Variants in CUX2 observed in about 807,000 individuals in gnomAD.
The protein encoded by CUX2 is cut like homeobox 2.
CUX2 carries 40 observed loss-of-function variants against 144.8 expected under a neutral mutation model. The observed-to-expected ratio is 0.28, with a 90% CI of 0.21 to 0.36. The LOEUF is 0.36. Ranked by LOEUF, CUX2 falls within the 10% of genes least tolerant of loss-of-function variation. CUX2 has a pLI of 1.00. For missense variants in CUX2, 1,615 were observed against 1,994.0 expected, an observed-to-expected ratio of 0.81 and a Z score of 3.62; for synonymous variants, 827 against 875.6, an observed-to-expected ratio of 0.94 and a Z score of 0.98.
At chr12:111,314,010 G>A (rs748278397) in intron 16 of CUX2, among the ~76,000 whole-genome samples, 18 of 152,142 alleles carry the variant, frequency 1.2e-4, no homozygotes, top group Non-Finnish European at 2.5e-4. Flanking sequence ...GAGCCGAGAT[G>A]TTTCCCAATC....
chr12:111,182,774 C>T (rs1056714536), intron 1 of CUX2, among the ~76,000 whole-genome samples: 8 of 152,142 alleles, frequency 5.3e-5, no homozygotes, highest in African/African-American at 1.7e-4. Context: ...TGGTCATCTT[C>T]GTTCAGGTGG....
chr12:111,317,490 C>G (rs530027439), intron 16 of CUX2, among the ~76,000 whole-genome samples: 2 of 152,270 alleles, frequency 1.3e-5, no homozygotes, highest in African/African-American at 4.8e-5. Context: ...GAATGAACCT[C>G]TGGGAACATA....
At chr12:111,173,314 G>A (rs535597895) in intron 1 of CUX2, among the ~76,000 whole-genome samples, 24 of 152,336 alleles carry the variant, frequency 1.6e-4, no homozygotes, top group African/African-American at 4.8e-4. Context: ...AAATGGGGAC[G>A]GGGACAGGGT....
intron 17 of CUX2, among the ~76,000 whole-genome samples, chr12:111,321,875 G>T (rs1887551789): frequency 1.3e-5 from 2 of 152,056 alleles, no homozygotes; most frequent in Non-Finnish European, 2.9e-5. Flanking sequence ...GGAGGTCAGG[G>T]AAGGCTTCCT....
chr12:111,194,819 G>A (rs924536143), intron 1 of CUX2, among the ~76,000 whole-genome samples: 4 of 152,238 alleles, frequency 2.6e-5, no homozygotes, highest in African/African-American at 4.8e-5. Context: ...GATCCAGTTC[G>A]CGAGCAGCCC....
At chr12:111,189,653 A>G (rs575016433) in intron 1 of CUX2, among the ~76,000 whole-genome samples, 1 of 152,288 alleles carries the variant, frequency 6.6e-6, no homozygotes, top group South Asian at 2.1e-4. Flanking sequence ...GCTTCTATGA[A>G]CATTCCAGAC....
At chr12:111,251,584 G>A (rs1328538842) in intron 3 of CUX2, among the ~76,000 whole-genome samples, 1 of 152,150 alleles carries the variant, frequency 6.6e-6, no homozygotes, top group Non-Finnish European at 1.5e-5. Context: ...ATCTCCGGGA[G>A]CCTGACATAA....
At position 111,037,296 on chromosome 12, in the gene CUX2, G is replaced by C. The variant is rs1054945011; in HGVS notation, c.63+3056G>C. Among the ~76,000 whole-genome samples the C allele has an allele frequency of 6.6e-6, 1 of 152,230 alleles. No individual in the cohort carries two copies. The highest frequency in any genetic ancestry group is 1.5e-5 in the Non-Finnish European group (1 of 68,032). On this transcript the variant is annotated intron_variant, in intron 1 of 21. Coordinates refer to ENST00000261726, the MANE Select transcript of CUX2 (RefSeq NM_015267.4). The surrounding 1 kb of genome is among the most constrained non-coding windows in gnomAD (Gnocchi z 5.4). ...TGGCCGAGGCAACATGGGCGGCCCC[G>C]TGTCCCCAGGCCATACCACGTCGCT...
At position 111,190,156 on chromosome 12, in the gene CUX2, C is replaced by A. The variant is rs536477410; in HGVS notation, c.64-24044C>A. On this transcript the variant is annotated intron_variant, in intron 1 of 21. Coordinates refer to ENST00000261726, the MANE Select transcript of CUX2 (RefSeq NM_015267.4). This position sits in a 1 kb window ranked among gnomAD's most constrained non-coding sequence, Gnocchi z 4.0. ...GAGGCACTGATTTCAGTCTCTGGCC[C>A]ATTTTTCTATTTGATCATCTCTTCC... Among the ~76,000 whole-genome samples the A allele has an allele frequency of 3.2e-4, 48 of 152,212 alleles. No homozygotes were observed. Among genetic ancestry groups the A allele is most frequent in the African/African-American group, 1.1e-3 (47 of 41,518 alleles).
intron 3 of CUX2, among the ~76,000 whole-genome samples, chr12:111,232,115 C>T (rs1461297413): frequency 2.0e-5 from 3 of 151,930 alleles, no homozygotes; most frequent in African/African-American, 7.3e-5. Context: ...GAGTATGACA[C>T]TCAATCAGTG....
At chr12:111,225,576 G>A (rs2136237769) in intron 3 of CUX2, among the ~76,000 whole-genome samples, 1 of 152,352 alleles carries the variant, frequency 6.6e-6, no homozygotes, top group East Asian at 1.9e-4. Flanking sequence ...CAGCTGAACA[G>A]AGAGCAGAAG....
At chr12:111,260,947 A>G (rs1381024738) in intron 3 of CUX2, among the ~76,000 whole-genome samples, 1 of 152,204 alleles carries the variant, frequency 6.6e-6, no homozygotes, top group Non-Finnish European at 1.5e-5. Flanking sequence ...AAGACCCATG[A>G]GATGAATTGC....
intron 3 of CUX2, among the ~76,000 whole-genome samples, chr12:111,241,882 T>C (rs187322568): frequency 6.8e-4 from 103 of 152,404 alleles, no homozygotes; most frequent in Admixed American, 2.0e-3. Flanking sequence ...TGACTCCTTA[T>C]TGTGTGAAGT....
rs761197582 is a variant in CUX2, at chr12:111,347,761, G to A, written c.3897G>A (p.Lys1299=). 3.7e-6 allele frequency: 6 copies of A among 1,613,994 alleles called. 1 individual carries two copies. The South Asian group carries it at 6.6e-5, about 18-fold the overall frequency. Residue 1299 remains lysine (K), a synonymous_variant, in exon 22 of 22, where the codon AAG becomes AAA. Coordinates refer to ENST00000261726, the MANE Select transcript of CUX2 (RefSeq NM_015267.4). ...AGGACAAGGCCCAAGTGAGGATCAA[G>A]CAGGAACAGATGGAGGAGGATGCTG... The part of the protein sequence containing the change: ...TTQDKAQVRI[K]QEQMEEDAEE...
At position 111,347,551 on chromosome 12, in the gene CUX2, G is replaced by A. The variant is rs1888859536; in HGVS notation, c.3687G>A (p.Val1229=). 1 of 1,607,314 alleles carries A rather than the reference G, an allele frequency of 6.2e-7. No individual in the cohort carries two copies. Among genetic ancestry groups the A allele is most frequent in the East Asian group, 2.2e-5 (1 of 44,822 alleles). ...YRSRMRREML[V]EGTQDEPDLD... ...CCCGGATGCGCCGGGAGATGTTGGT[G>A]GAGGGGACCCAGGATGAGCCAGACC... The change falls in exon 22 of 22, where the codon GTG becomes GTA. Residue 1229 remains valine (V), a synonymous_variant. Transcript: ENST00000261726.
At position 111,341,758 on chromosome 12, in the gene CUX2, C is replaced by T. The variant is rs771904491; in HGVS notation, c.3386-22C>T. Reference sequence around the variant, plus strand: ...GGGATGGGGACACCACCTCTCAGCCCTCCCTCTCTTCCTGGCCCCAGCCTA... The same window carrying T: ...GGGATGGGGACACCACCTCTCAGCCTTCCCTCTCTTCCTGGCCCCAGCCTA... On this transcript the variant is annotated intron_variant, in intron 20 of 21. Coordinates refer to ENST00000261726, the MANE Select transcript of CUX2 (RefSeq NM_015267.4). 16 of 1,557,880 alleles carry T rather than the reference C, an allele frequency of 1.0e-5. No individual in the cohort carries two copies. The South Asian group carries it at 1.7e-4, about 16-fold the overall frequency.
intron 1 of CUX2, among the ~76,000 whole-genome samples, chr12:111,165,140 G>A (rs1016250027): frequency 6.6e-6 from 1 of 152,182 alleles, no homozygotes; most frequent in African/African-American, 2.4e-5. Flanking sequence ...AAGGGCCTCT[G>A]TGTCGTAAGG....
chr12:111,220,953 A>G (rs1307906601), intron 3 of CUX2, among the ~76,000 whole-genome samples: 2 of 150,538 alleles, frequency 1.3e-5, no homozygotes, highest in Non-Finnish European at 3.0e-5. Context: ...AAAAAAAAAA[A>G]AAAAAAAAGG....
Position 111,116,295 on chromosome 12 carries a change from G to GATTGAA in CUX2, c.63+82055_63+82056insATTGAA, listed in dbSNP as rs57413902. Among the ~76,000 whole-genome samples, 1,445 of 152,298 alleles carry GATTGAA rather than the reference G, an allele frequency of 9.5e-3. 16 individuals are homozygous for GATTGAA. Among genetic ancestry groups the GATTGAA allele is most frequent in the Non-Finnish European group, 0.016 (1,099 of 68,014 alleles). Reference sequence around the variant, plus strand: ...AGTGGTGGAATCTTGATTGAATTAGGCTGTGCTTATAATTAGGAAATGCCA... The same window carrying GATTGAA: ...AGTGGTGGAATCTTGATTGAATTAGGATTGAACTGTGCTTATAATTAGGAAATGCCA... On this transcript the variant is annotated intron_variant, in intron 1 of 21. Coordinates refer to ENST00000261726, the MANE Select transcript of CUX2 (RefSeq NM_015267.4).
Sources: gnomAD v4.1 joint callset for allele counts (sites outside exome capture counted in the v4.1 genomes callset) on GRCh38, gnomAD v4.1.1 for gene constraint, Gnocchi (gnomAD v3.1) non-coding constraint, MANE v1.5 for transcripts, NCBI Gene and HGNC (gene_info 2026-07-23, HGNC 2026-07-21) for gene names.